SETD5: variants seen among roughly 807,000 people sequenced by gnomAD.
SETD5 encodes the protein SET domain containing 5.
Under a neutral mutation model 153.3 loss-of-function variants are expected in SETD5, and 44 were observed. That is an observed-to-expected ratio of 0.29 (90% CI 0.23 to 0.37). SETD5 has a LOEUF of 0.37. Ranked by LOEUF, SETD5 falls within the 10% of genes least tolerant of loss-of-function variation. The pLI is 1.00. For synonymous variants in SETD5, 716 were observed against 645.2 expected, an observed-to-expected ratio of 1.11 and a Z score of -1.66; for missense variants, 1,544 against 1,768.0, an observed-to-expected ratio of 0.87 and a Z score of 2.27.
At chr3:9,407,392 G>A (rs905809952) in intron 1 of SETD5, among the ~76,000 whole-genome samples, 1 of 152,116 alleles carries the variant, frequency 6.6e-6, no homozygotes, top group East Asian at 1.9e-4. Flanking sequence ...GGCCATGTGT[G>A]GAGTCCCAGG....
At chr3:9,460,938 T>A (rs993333281) in intron 17 of SETD5, among the ~76,000 whole-genome samples, 2 of 152,176 alleles carry the variant, frequency 1.3e-5, no homozygotes, top group African/African-American at 2.4e-5. Context: ...AAAGACATGA[T>A]ATCAGAAGCA....
rs367686844 is a variant in SETD5, at chr3:9,440,663, G to A, written c.775G>A (p.Ala259Thr). ...AGACACTATTAATAAGACTGAATTG[G>A]CCTGTAATAACACAGTTATTGGTTC... ...ILDTINKTEL[A>T]CNNTVIGSQM... is the part of the protein sequence containing the mutation. Residue 259 changes from alanine to threonine, a missense_variant, in exon 8 of 23, where the codon GCC becomes ACC. Ala to Thr is a moderately conservative substitution (Grantham distance 58). Coordinates refer to ENST00000402198, the MANE Select transcript of SETD5 (RefSeq NM_001080517.3). 4 of 1,613,494 alleles carry A rather than the reference G, an allele frequency of 2.5e-6. No homozygotes were observed. Among genetic ancestry groups the A allele is most frequent in the African/African-American group, 2.7e-5 (2 of 74,902 alleles).
At chr3:9,474,163 G>T (rs1387877740) in intron 20 of SETD5, among the ~76,000 whole-genome samples, 1 of 152,210 alleles carries the variant, frequency 6.6e-6, no homozygotes, top group Non-Finnish European at 1.5e-5. Flanking sequence ...TCAGGCACAT[G>T]ATTTCCTAAA....
chr3:9,413,650 GTGTGTGTGT>G (rs1350840664), intron 1 of SETD5, among the ~76,000 whole-genome samples: 2 of 11,170 alleles, frequency 1.8e-4, no homozygotes, highest in Non-Finnish European at 3.3e-4. Flanking sequence ...GGGAGGCGGG[GTGTGTGTGT>G]GTGTGTGTGT....
intron 17 of SETD5, among the ~76,000 whole-genome samples, chr3:9,454,350 G>T (rs1325333042): frequency 6.6e-6 from 1 of 152,042 alleles, no homozygotes; most frequent in Non-Finnish European, 1.5e-5. Context: ...CGGGCGCTGT[G>T]GCTCGCACCT....
intron 1 of SETD5, among the ~76,000 whole-genome samples, chr3:9,420,330 T>C (rs954435344): frequency 2.6e-5 from 4 of 152,216 alleles, no homozygotes; most frequent in African/African-American, 7.2e-5. Context: ...AAGTATGACT[T>C]GGTCTCTATA....
intron 1 of SETD5, among the ~76,000 whole-genome samples, chr3:9,407,488 G>A (rs1044766628): frequency 3.3e-5 from 5 of 152,072 alleles, no homozygotes; most frequent in Admixed American, 3.3e-4. Context: ...AGTATGAAAA[G>A]GAATGGCTGG....
At position 9,437,593 on chromosome 3, in the gene SETD5, A is replaced by G. The variant is rs149473382; in HGVS notation, c.567+1687A>G. Among the ~76,000 whole-genome samples the G allele has an allele frequency of 2.2e-4, 34 of 151,538 alleles. No individual in the cohort carries two copies. The East Asian group carries it at 4.5e-3, about 20-fold the overall frequency. ...AGGAAAACATGCCTCTCAAATTATT[A>G]CTGGGGGCTTCAAAGCATTTAAATA... On this transcript the variant is annotated intron_variant, in intron 7 of 22. Coordinates refer to ENST00000402198, the MANE Select transcript of SETD5 (RefSeq NM_001080517.3).
At chr3:9,431,572 T>C (rs1412700919) in intron 3 of SETD5, 1 of 985,742 alleles carries the variant, frequency 1.0e-6, no homozygotes, top group Non-Finnish European at 1.2e-6. Context: ...CAGAGTTTCT[T>C]CATCAGAAGA....
At chr3:9,445,371 C>T (rs2041814782) in intron 12 of SETD5, 71 bp downstream of exon 12, 1 of 1,533,534 alleles carries the variant, frequency 6.5e-7, no homozygotes, top group East Asian at 2.4e-5. Context: ...CGGGTTGCCG[C>T]ATGGTTTAAG....
At position 9,477,662 on chromosome 3, in the gene SETD5, T is replaced by G. The variant is rs1489190997; in HGVS notation, c.*1571T>G. The stretch of plus-strand genomic sequence containing the variant: ...CTTTTCAAAATCGAAATCAGGTGTT[T>G]GCTCAAATGAGGGGAGATTTTTTTT... On this transcript the variant is annotated 3_prime_UTR_variant, in exon 23 of 23. Transcript: ENST00000402198. 1 of 152,082 alleles carries G rather than the reference T, an allele frequency of 6.6e-6. No individual in the cohort carries two copies. The highest frequency in any genetic ancestry group is 1.9e-4 in the East Asian group (1 of 5,196). 9.4% of individuals were successfully genotyped at this position (152,082 alleles called of 1,614,324 possible).
At chr3:9,452,119 C>T (rs1486974268) in intron 16 of SETD5, among the ~76,000 whole-genome samples, 1 of 152,162 alleles carries the variant, frequency 6.6e-6, no homozygotes, top group East Asian at 1.9e-4. Context: ...ATGGTAGCAT[C>T]TTTCTTCTAG....
intron 1 of SETD5, among the ~76,000 whole-genome samples, chr3:9,414,978 T>C (rs2037191910): frequency 6.6e-6 from 1 of 152,190 alleles, no homozygotes; most frequent in Non-Finnish European, 1.5e-5. Context: ...TTTATGGAAA[T>C]CTGAGATAGT....
At chr3:9,398,964 C>T (rs1243057613) in intron 1 of SETD5, among the ~76,000 whole-genome samples, 1 of 152,216 alleles carries the variant, frequency 6.6e-6, no homozygotes, top group East Asian at 1.9e-4. Context: ...TCTGCTTTCT[C>T]ATGTTACTTG....
At chr3:9,474,039 C>T (rs938896956) in intron 20 of SETD5, among the ~76,000 whole-genome samples, 1 of 152,126 alleles carries the variant, frequency 6.6e-6, no homozygotes, top group Non-Finnish European at 1.5e-5. Flanking sequence ...GAGAATGAAG[C>T]ACAGGAGTTC....
chr3:9,399,874 G>T (rs1477790796), intron 1 of SETD5, among the ~76,000 whole-genome samples: 1 of 149,446 alleles, frequency 6.7e-6, no homozygotes, highest in African/African-American at 2.4e-5. Flanking sequence ...GTGGGGTAAA[G>T]AGAAGGTTGT....
chr3:9,441,257 A>G (rs2041252547), intron 8 of SETD5, among the ~76,000 whole-genome samples: 1 of 151,856 alleles, frequency 6.6e-6, no homozygotes, highest in Admixed American at 6.6e-5. Context: ...AATTCTATAT[A>G]CCCTAGGTAG....
chr3:9,411,807 AAC>A (rs1425307026), intron 1 of SETD5, among the ~76,000 whole-genome samples: 5 of 152,194 alleles, frequency 3.3e-5, no homozygotes, highest in African/African-American at 1.2e-4. Context: ...TGCTGTAAAT[AAC>A]ACCTGATTTT....
intron 20 of SETD5, 134 bp from the exon 21 acceptor site, chr3:9,474,315 C>G (rs903559594): frequency 8.5e-6 from 8 of 935,940 alleles, no homozygotes; most frequent in Non-Finnish European, 1.1e-5. Flanking sequence ...AGAGGAAATA[C>G]GTTGTTTTAA....
Sources: allele counts gnomAD v4.1 joint callset (sites outside exome capture counted in the v4.1 genomes callset), GRCh38; gene constraint gnomAD v4.1.1; transcripts MANE v1.5; gene names NCBI Gene and HGNC (gene_info 2026-07-23, HGNC 2026-07-21).